The following DTX4 variants were observed in gnomAD, a reference collection of about 807,000 sequenced individuals.
DTX4 encodes the protein deltex E3 ubiquitin ligase 4.
A neutral mutation model predicts 57.6 loss-of-function variants in DTX4; 28 were observed. That is an observed-to-expected ratio of 0.49 (90% CI 0.36 to 0.67). The LOEUF (loss-of-function observed/expected upper bound fraction) is 0.67. Ranked by LOEUF, DTX4 falls within the 30% of genes least tolerant of loss-of-function variation. The pLI, the probability that DTX4 is intolerant of heterozygous loss-of-function variation, is 0.00. For missense variants in DTX4, 715 were observed against 836.8 expected (o/e 0.85, Z 1.80); for synonymous variants, 316 against 331.0 (o/e 0.95, Z 0.49).
At chr11:59,198,487 G>A (rs757198180) in intron 7 of DTX4, among the ~76,000 whole-genome samples, 13 of 152,138 alleles carry the variant, frequency 8.5e-5, no homozygotes, top group Non-Finnish European at 1.5e-4. Context: ...CCTTCTCTGA[G>A]ACCCCATTGC....
In DTX4 at chr11:59,189,239, C is replaced by T. The variant is rs760843683; in HGVS notation, c.1075C>T (p.Pro359Ser). ...GCCACCAAAGCTGGTCCTACACCCACCCCCCGTCAGCAAGAGTGAAATAAA... is the reference window on the plus strand; with the variant it reads ...GCCACCAAAGCTGGTCCTACACCCATCCCCCGTCAGCAAGAGTGAAATAAA... ...TRPPKLVLHPPPVSKSEIKSI... is the reference protein window; with the variant it reads ...TRPPKLVLHPSPVSKSEIKSI... The change falls in exon 4 of 9, where the codon CCC becomes TCC. Residue 359 changes from proline to serine, a missense_variant. Coordinates refer to ENST00000227451, the MANE Select transcript of DTX4 (RefSeq NM_015177.2). 6 of 1,611,678 alleles carry T rather than the reference C, an allele frequency of 3.7e-6. No individual in the cohort carries two copies. Among genetic ancestry groups the T allele is most frequent in the South Asian group, 1.1e-5 (1 of 90,596 alleles).
At chr11:59,173,570 G>A (rs1862356791) in intron 1 of DTX4, among the ~76,000 whole-genome samples, 1 of 152,228 alleles carries the variant, frequency 6.6e-6, no homozygotes, top group African/African-American at 2.4e-5. Flanking sequence ...GTCTGCGGAG[G>A]AGGAGGACGC....
At chr11:59,180,557 C>A (rs1862450805) in intron 1 of DTX4, among the ~76,000 whole-genome samples, 1 of 152,176 alleles carries the variant, frequency 6.6e-6, no homozygotes, top group Non-Finnish European at 1.5e-5. Context: ...TGAAGGCAGC[C>A]TTTTCTCACC....
chr11:59,190,755 A>G (rs1020994502), intron 4 of DTX4, among the ~76,000 whole-genome samples: 2 of 152,244 alleles, frequency 1.3e-5, no homozygotes, highest in Non-Finnish European at 2.9e-5. Flanking sequence ...AGGTGGTAAG[A>G]CTGCCTAACA....
At chr11:59,177,643 G>T (rs1862411640) in intron 1 of DTX4, among the ~76,000 whole-genome samples, 1 of 151,958 alleles carries the variant, frequency 6.6e-6, no homozygotes, top group African/African-American at 2.4e-5. Flanking sequence ...CCTCCAATCT[G>T]CCAAACAGAG....
chr11:59,175,894 AT>A (rs143080310), intron 1 of DTX4, among the ~76,000 whole-genome samples: 23,906 of 137,726 alleles, frequency 0.17, 2,605 homozygotes, highest in African/African-American at 0.33. Flanking sequence ...GTCAGGCCTC[AT>A]TTTTTTTTTT....
In DTX4 at chr11:59,208,545, C is replaced by T. The variant is rs1862845928; in HGVS notation, c.*3636C>T. 1 of 152,096 alleles carries T rather than the reference C, an allele frequency of 6.6e-6. No homozygotes were observed. Among genetic ancestry groups the T allele is most frequent in the Admixed American group, 6.5e-5 (1 of 15,270 alleles). 9.4% of individuals were successfully genotyped at this position (152,096 alleles called of 1,614,324 possible). A position where few individuals can be genotyped will look rare whatever the true frequency, so the allele number is the denominator to read the frequency against. ...AATAAATGTTTAATATTAATCATTC[C>T]CAAACTGACAAGAACACAAAAATAA... On this transcript the variant is annotated 3_prime_UTR_variant, in exon 9 of 9. Transcript: ENST00000227451.
intron 1 of DTX4, among the ~76,000 whole-genome samples, chr11:59,173,480 A>G (rs930267309): frequency 1.3e-5 from 2 of 152,158 alleles, no homozygotes; most frequent in African/African-American, 4.8e-5. Flanking sequence ...ACATGCGCGG[A>G]AGCAACAGGC....
At chr11:59,173,232 A>C (rs1330316905) in intron 1 of DTX4, among the ~76,000 whole-genome samples, 1 of 152,134 alleles carries the variant, frequency 6.6e-6, no homozygotes, top group Non-Finnish European at 1.5e-5. Context: ...GTTTTGCTTC[A>C]GGCACGCTGG....
chr11:59,172,459 A>T lies in DTX4; in HGVS notation c.-137A>T. ...GGGAGGAGCCCATGGGCCGGAGCTG[A>T]GGCTGCCCGGGGCGGCGGGGCGCGG... On this transcript the variant is annotated 5_prime_UTR_variant, in exon 1 of 9. It removes the in-frame stop codon of an upstream open reading frame in the 5' UTR. Coordinates refer to ENST00000227451, the MANE Select transcript of DTX4 (RefSeq NM_015177.2). 1 of 299,974 alleles carries T rather than the reference A, an allele frequency of 3.3e-6. No homozygotes were observed. The highest frequency in any genetic ancestry group is 5.2e-6 in the Non-Finnish European group (1 of 190,852). 18.6% of individuals were successfully genotyped at this position (299,974 alleles called of 1,614,324 possible).
Position 59,197,284 on chromosome 11 carries a change from T to C in DTX4, c.1536+1915T>C, listed in dbSNP as rs151287020. On this transcript the variant is annotated intron_variant, in intron 7 of 8. Coordinates refer to ENST00000227451, the MANE Select transcript of DTX4 (RefSeq NM_015177.2). ...CTTTCTAGTGCAGGGAATTGTCTAG[T>C]TGAGTCTAGAAAGACATAAAAAAAT... is the stretch of plus-strand genomic sequence containing the variant. Among the ~76,000 whole-genome samples, 252 of 151,810 alleles carry C rather than the reference T, an allele frequency of 1.7e-3. 8 individuals are homozygous for C. In the East Asian group the frequency reaches 0.045, roughly 27 times the overall value.
chr11:59,175,349 T>G (rs1862382272), intron 1 of DTX4, among the ~76,000 whole-genome samples: 1 of 152,208 alleles, frequency 6.6e-6, no homozygotes, highest in South Asian at 2.1e-4. Flanking sequence ...CTTTGTCTTT[T>G]TAGAAGTTGC....
chr11:59,199,619 C>G, intron 7 of DTX4, 65 bp from the exon 8 acceptor site: 1 of 1,267,996 alleles, frequency 7.9e-7, no homozygotes, highest in South Asian at 1.3e-5. Flanking sequence ...TAGTCACAGC[C>G]TAACCCCGCT....
Position 59,182,072 on chromosome 11 carries a change from C to A in DTX4, c.545C>A (p.Thr182Asn), listed in dbSNP as rs1590980984. 1 of 1,612,414 alleles carries A rather than the reference C, an allele frequency of 6.2e-7. No individual in the cohort carries two copies. The highest frequency in any genetic ancestry group is 2.2e-5 in the East Asian group (1 of 44,866). ...TGGCCAGTCAGCCCTGGGCCAGCCACCTCGCCCCCCATGTCCCCCTGCTCC... is the reference window on the plus strand; with the variant it reads ...TGGCCAGTCAGCCCTGGGCCAGCCAACTCGCCCCCCATGTCCCCCTGCTCC... ...QSWPVSPGPA[T>N]SPPMSPCSCP... Residue 182 changes from threonine to asparagine, a missense_variant, in exon 2 of 9, where the codon ACC becomes AAC. Transcript: ENST00000227451.
At chr11:59,200,371 G>C (rs563922436) in intron 8 of DTX4, among the ~76,000 whole-genome samples, 54 of 152,262 alleles carry the variant, frequency 3.5e-4, no homozygotes, top group African/African-American at 1.3e-3. Flanking sequence ...TTCCTCTCTC[G>C]GGTATTAGTG....
At chr11:59,202,104 A>G (rs1314852763) in intron 8 of DTX4, among the ~76,000 whole-genome samples, 1 of 152,258 alleles carries the variant, frequency 6.6e-6, no homozygotes. Context: ...GTGTAAAAGA[A>G]ATAAAATGAA....
chr11:59,202,106 T>G (rs1312210629), intron 8 of DTX4, among the ~76,000 whole-genome samples: 1 of 152,224 alleles, frequency 6.6e-6, no homozygotes, highest in African/African-American at 2.4e-5. Flanking sequence ...GTAAAAGAAA[T>G]AAAATGAAGA....
Position 59,172,789 on chromosome 11 carries a change from AGTTCC to A in DTX4, c.196_200del (p.Phe66ProfsTer51). 6.3e-7 allele frequency: 1 copy of A among 1,584,224 alleles called. No individual in the cohort carries two copies. The highest frequency in any genetic ancestry group is 8.6e-7 in the Non-Finnish European group (1 of 1,165,756). ...ATCATCGACCTGCAGTCCATGAACC[AGTTCC>A]GCCAAGACACGGGTGAGCCAGCCGC... On this transcript the variant is annotated frameshift_variant, in exon 1 of 9. Transcript: ENST00000227451. LOFTEE classifies it high-confidence loss of function.
intron 5 of DTX4, 21 bp from the exon 6 acceptor site, chr11:59,192,077 C>G: frequency 6.2e-7 from 1 of 1,605,024 alleles, no homozygotes; most frequent in South Asian, 1.1e-5. Flanking sequence ...AGCCTCTCTG[C>G]TGTGTCTCCT....
Sources: allele counts gnomAD v4.1 joint callset (sites outside exome capture counted in the v4.1 genomes callset), GRCh38; gene constraint gnomAD v4.1.1; transcripts MANE v1.5; gene names NCBI Gene and HGNC (gene_info 2026-07-23, HGNC 2026-07-21).